Variants in TYW1 observed in about 807,000 individuals in gnomAD.
TYW1 encodes S-adenosyl-L-methionine-dependent tRNA 4-demethylwyosine synthase TYW1.
In TYW1, 46 loss-of-function variants were observed where a neutral mutation model predicts 96.2. The ratio of observed to expected loss-of-function variants is 0.48; its 90% CI spans 0.38 to 0.61. The LOEUF is 0.61. Ranked by LOEUF, TYW1 falls within the 20% of genes least tolerant of loss-of-function variation. The pLI is 0.00. For missense variants in TYW1, 684 were observed against 909.6 expected (o/e 0.75, Z 3.19); for synonymous variants, 274 against 323.0 (o/e 0.85, Z 1.63).
At chr7:67,101,406 T>C (rs1002935141) in intron 12 of TYW1, among the ~76,000 whole-genome samples, 5 of 152,204 alleles carry the variant, frequency 3.3e-5, no homozygotes, top group African/African-American at 7.2e-5. Flanking sequence ...ACGGTGCTCC[T>C]GCTCTGTCAA....
At chr7:67,025,170 T>G (rs906246629) in intron 7 of TYW1, 148 bp downstream of exon 7, 46 of 1,361,180 alleles carry the variant, frequency 3.4e-5, no homozygotes, top group Admixed American at 1.0e-4. Context: ...TTTTTGCCAT[T>G]TTTCATGAGC....
chr7:67,055,743 A>C, intron 8 of TYW1, 92 bp from the exon 9 acceptor site: 1 of 1,033,914 alleles, frequency 9.7e-7, no homozygotes, highest in Non-Finnish European at 1.4e-6. Context: ...ATTTAGCAAA[A>C]AAAAAAAAAA....
intron 4 of TYW1, among the ~76,000 whole-genome samples, chr7:67,012,648 A>C (rs1208444214): frequency 6.6e-6 from 1 of 152,190 alleles, no homozygotes; most frequent in Non-Finnish European, 1.5e-5. Flanking sequence ...CGCAAATTGG[A>C]AATGCTTTAA....
chr7:67,191,710 A>G (rs961401635), intron 14 of TYW1, among the ~76,000 whole-genome samples: 1 of 150,894 alleles, frequency 6.6e-6, no homozygotes, highest in African/African-American at 2.5e-5. Flanking sequence ...AGAGAAAACC[A>G]GACAGAGCCA....
chr7:67,066,818 A>C (rs1397816139), intron 9 of TYW1, among the ~76,000 whole-genome samples: 1 of 152,230 alleles, frequency 6.6e-6, no homozygotes, highest in Non-Finnish European at 1.5e-5. Context: ...ACTGCACTCC[A>C]GCCTAAGGAA....
chr7:67,142,132 G>T (rs530326544), intron 13 of TYW1, among the ~76,000 whole-genome samples: 54 of 152,296 alleles, frequency 3.5e-4, no homozygotes, highest in Admixed American at 8.5e-4. Flanking sequence ...GACTTGTTCT[G>T]TCGCCCAGGC....
chr7:67,029,009 T>G (rs1584480409), intron 7 of TYW1, among the ~76,000 whole-genome samples: 1 of 152,086 alleles, frequency 6.6e-6, no homozygotes, highest in African/African-American at 2.4e-5. Context: ...GGACTTTTTT[T>G]TTTTTTTGAG....
At chr7:67,227,855 C>T (rs1016783332) in intron 15 of TYW1, among the ~76,000 whole-genome samples, 8 of 152,230 alleles carry the variant, frequency 5.3e-5, no homozygotes, top group Non-Finnish European at 7.3e-5. Context: ...CTCCTAGACT[C>T]GGTCCCACGT....
At position 67,009,616 on chromosome 7, in the gene TYW1, T is replaced by A. The variant is rs777159797; in HGVS notation, c.307T>A (p.Ser103Thr). ...FATVLAEAVT[S>T]LDLPVAIINL... ...AACAGTTCTTGCTGAAGCAGTTACA[T>A]CCCTGGATCTGCCTGTGGCCATTAT... The change falls in exon 4 of 16, where the codon TCC (serine) becomes ACC (threonine). Residue 103 changes from serine to threonine, a missense_variant. Ser to Thr is a moderately conservative substitution (Grantham distance 58). Coordinates refer to ENST00000359626, the MANE Select transcript of TYW1 (RefSeq NM_018264.4). The A allele has an allele frequency of 3.1e-6, 5 of 1,612,664 alleles. No individual in the cohort carries two copies. Among genetic ancestry groups the A allele is most frequent in the Non-Finnish European group, 4.2e-6 (5 of 1,179,744 alleles).
Position 67,192,791 on chromosome 7 carries a change from G to A in TYW1, c.1810-2379G>A, listed in dbSNP as rs182657688. 2.6e-4 allele frequency among the ~76,000 whole-genome samples: 39 copies of A among 152,272 alleles called. 1 individual carries two copies. The highest frequency in any genetic ancestry group is 3.4e-3 in the Middle Eastern group (1 of 294). ...AAAGAAAGCTTTTTTATTGCAAGTC[G>A]ACTAATAAAGAGACACTGAGTCCAG... On this transcript the variant is annotated intron_variant, in intron 14 of 15. Coordinates refer to ENST00000359626, the MANE Select transcript of TYW1 (RefSeq NM_018264.4).
intron 13 of TYW1, among the ~76,000 whole-genome samples, chr7:67,142,658 C>G (rs968826447): frequency 1.3e-5 from 2 of 152,164 alleles, no homozygotes; most frequent in Non-Finnish European, 2.9e-5. Context: ...TCTTGAACAA[C>G]TGGCCTCAAG....
chr7:67,046,796 TGA>T (rs1165048363), intron 7 of TYW1, among the ~76,000 whole-genome samples: 1 of 152,220 alleles, frequency 6.6e-6, no homozygotes, highest in Non-Finnish European at 1.5e-5. Flanking sequence ...TTGTTTGTCC[TGA>T]GTGCTCAAGA....
At chr7:67,219,590 T>C (rs1801314264) in intron 15 of TYW1, among the ~76,000 whole-genome samples, 1 of 152,238 alleles carries the variant, frequency 6.6e-6, no homozygotes, top group African/African-American at 2.4e-5. Flanking sequence ...TCAGATTTTC[T>C]ATTTCTTTGT....
chr7:67,162,638 T>C (rs1025697705), intron 13 of TYW1, among the ~76,000 whole-genome samples: 2 of 152,206 alleles, frequency 1.3e-5, no homozygotes, highest in East Asian at 3.8e-4. Context: ...TATTCATTTG[T>C]ATTTGATGCA....
chr7:67,146,195 T>G (rs565657718), intron 13 of TYW1, among the ~76,000 whole-genome samples: 1 of 152,358 alleles, frequency 6.6e-6, no homozygotes, highest in South Asian at 2.1e-4. Context: ...CATCCTGTGA[T>G]AGAATCTTGC....
At chr7:67,129,000 C>CTT (rs1185535547) in intron 13 of TYW1, among the ~76,000 whole-genome samples, 2 of 152,134 alleles carry the variant, frequency 1.3e-5, no homozygotes, top group Non-Finnish European at 2.9e-5. Context: ...AGGTCTCAGT[C>CTT]TTTTAGTGAG....
At chr7:67,174,525 A>C (rs1348634727) in intron 13 of TYW1, among the ~76,000 whole-genome samples, 1 of 151,226 alleles carries the variant, frequency 6.6e-6, no homozygotes, top group African/African-American at 2.4e-5. Context: ...CAAAATGCCT[A>C]CTTAGTAAAG....
At chr7:67,233,575 C>T (rs758844581) in intron 15 of TYW1, among the ~76,000 whole-genome samples, 4 of 135,228 alleles carry the variant, frequency 3.0e-5, no homozygotes, top group Non-Finnish European at 4.8e-5. Flanking sequence ...GCATAGATTC[C>T]GTTCTTCCCT....
chr7:67,147,926 G>GA (rs1424464579), intron 13 of TYW1, among the ~76,000 whole-genome samples: 67 of 145,654 alleles, frequency 4.6e-4, no homozygotes, highest in African/African-American at 1.7e-3. Flanking sequence ...CAAGGTAAAA[G>GA]AAAAAATAAA....
Sources: allele counts gnomAD v4.1 joint callset (sites outside exome capture counted in the v4.1 genomes callset), GRCh38; gene constraint gnomAD v4.1.1; transcripts MANE v1.5; gene names NCBI Gene and HGNC (gene_info 2026-07-23, HGNC 2026-07-21).